The following OSBPL3 variants were observed in gnomAD, a reference collection of about 807,000 sequenced individuals.
OSBPL3 encodes the protein oxysterol-binding protein-related protein 3.
In OSBPL3, 65 loss-of-function variants were observed where a neutral mutation model predicts 120.1. That is an observed-to-expected ratio of 0.54 (90% CI 0.44 to 0.67). The LOEUF is 0.67. OSBPL3 is among the 30% of genes least tolerant of loss of function. The pLI is 0.00. For synonymous variants in OSBPL3, 416 were observed against 402.6 expected (o/e 1.03, Z -0.40); for missense variants, 1,004 against 1,082.1 (o/e 0.93, Z 1.01).
chr7:24,939,230 G>T lies in OSBPL3; in HGVS notation c.-150+40656C>A, dbSNP rs1584681792. ...ACTGTCCATAATCCAAAGGACCAAG[G>T]TCTCTGAGGATGGAGGAGGTGTAAG... On this transcript the variant is annotated intron_variant, in intron 1 of 22. Coordinates refer to ENST00000313367, the MANE Select transcript of OSBPL3 (RefSeq NM_015550.4). This position sits in a 1 kb window ranked among gnomAD's most constrained non-coding sequence, Gnocchi z 4.2. Among the ~76,000 whole-genome samples the T allele has an allele frequency of 6.6e-6, 1 of 152,196 alleles. No individual in the cohort carries two copies. The highest frequency in any genetic ancestry group is 1.9e-4 in the East Asian group (1 of 5,194).
At chr7:24,976,298 T>A (rs1438429416) in intron 1 of OSBPL3, among the ~76,000 whole-genome samples, 1 of 152,222 alleles carries the variant, frequency 6.6e-6, no homozygotes, top group Non-Finnish European at 1.5e-5. Flanking sequence ...TTATTCACTA[T>A]GTAAGCCACC....
chr7:24,963,046 G>A (rs1206605321), intron 1 of OSBPL3, among the ~76,000 whole-genome samples: 1 of 152,128 alleles, frequency 6.6e-6, no homozygotes, highest in Non-Finnish European at 1.5e-5. Context: ...ACTTTTTGAT[G>A]ACTGAATTAT....
At position 24,852,773 on chromosome 7, in the gene OSBPL3, C is replaced by T; in HGVS notation, c.1028-139G>A. On this transcript the variant is annotated intron_variant, in intron 10 of 22. Transcript: ENST00000313367. The surrounding 1 kb of genome is among the most constrained non-coding windows in gnomAD (Gnocchi z 4.1). ...TTGAGTATAGCAAATGTACATTCTACCTTGACTTTTAAAAAACACATTTGC... is the reference window on the plus strand; with the variant it reads ...TTGAGTATAGCAAATGTACATTCTATCTTGACTTTTAAAAAACACATTTGC... 1 of 598,644 alleles carries T rather than the reference C, an allele frequency of 1.7e-6. No homozygotes were observed. Among genetic ancestry groups the T allele is most frequent in the Non-Finnish European group, 2.8e-6 (1 of 362,572 alleles). The allele number at this position is 598,644 out of a possible 1,614,324, so 37.1% of individuals were successfully genotyped here. A position where few individuals can be genotyped will look rare whatever the true frequency, so the allele number is the denominator to read the frequency against.
intron 9 of OSBPL3, 133 bp from the exon 10 acceptor site, chr7:24,861,902 G>GC: frequency 1.9e-6 from 1 of 521,266 alleles, no homozygotes. Flanking sequence ...TTTTTTTTTG[G>GC]GGGGGATGGA....
chr7:24,863,458 G>A lies in OSBPL3; in HGVS notation c.777+38C>T, dbSNP rs760521491. ...GCTGGGAGGAGAAAGGAAAGCAGAAGAGGGCCAGAATGTCAACAGAAGAGG... is the reference window on the plus strand; with the variant it reads ...GCTGGGAGGAGAAAGGAAAGCAGAAAAGGGCCAGAATGTCAACAGAAGAGG... On this transcript the variant is annotated intron_variant, in intron 8 of 22. Transcript: ENST00000313367. The surrounding 1 kb of genome is among the most constrained non-coding windows in gnomAD (Gnocchi z 5.8). 2 of 1,525,406 alleles carry A rather than the reference G, an allele frequency of 1.3e-6. No individual in the cohort carries two copies. Among genetic ancestry groups the A allele is most frequent in the Non-Finnish European group, 9.1e-7 (1 of 1,099,186 alleles). The allele number at this position is 1,525,406 out of a possible 1,614,324, so 94.5% of individuals were successfully genotyped here.
rs765890499 is a variant in OSBPL3, at chr7:24,815,111, A to G, written c.2120T>C (p.Val707Ala). ...QRWIEHYGEIVIKNLHDDSCY... is the reference protein window; with the variant it reads ...QRWIEHYGEIAIKNLHDDSCY... ...GGAATCATCATGCAGGTTCTTGATGACAATCTCTCCATAGTGCTCAATCCA... is the reference window on the plus strand; with the variant it reads ...GGAATCATCATGCAGGTTCTTGATGGCAATCTCTCCATAGTGCTCAATCCA... The change falls in exon 19 of 23, where the codon GTC (valine) becomes GCC (alanine). Residue 707 changes from valine (V) to alanine (A), a missense_variant. Physicochemically the swap from Val to Ala is moderately conservative, Grantham distance 64. Transcript: ENST00000313367. The surrounding 1 kb of genome is among the most constrained non-coding windows in gnomAD (Gnocchi z 5.1). 6.2e-7 allele frequency: 1 copy of G among 1,613,794 alleles called. No homozygotes were observed. The highest frequency in any genetic ancestry group is 2.2e-5 in the East Asian group (1 of 44,884).
rs570310665 is a variant in OSBPL3, at chr7:24,809,930, C to T, written c.2194G>A (p.Ala732Thr). Residue 732 changes from alanine (A) to threonine (T), a missense_variant, in exon 20 of 23, where the codon GCC (alanine) becomes ACC (threonine). Coordinates refer to ENST00000313367, the MANE Select transcript of OSBPL3 (RefSeq NM_015550.4). ...FIKAKYWSTN[A>T]HEIEGTVFDR... Reference sequence around the variant, plus strand: ...AACACTGTGCCTTCAATCTCATGGGCATTAGTGCTCCAGTATTTTGCCTAG... The same window carrying T: ...AACACTGTGCCTTCAATCTCATGGGTATTAGTGCTCCAGTATTTTGCCTAG... The T allele has an allele frequency of 6.2e-7, 1 of 1,614,164 alleles. No homozygotes were observed. The highest frequency in any genetic ancestry group is 1.3e-5 in the African/African-American group (1 of 75,046).
intron 1 of OSBPL3, among the ~76,000 whole-genome samples, chr7:24,942,423 T>C (rs1813210062): frequency 1.3e-5 from 2 of 149,712 alleles, no homozygotes; most frequent in African/African-American, 5.0e-5. Flanking sequence ...CTGCTTCTGT[T>C]GTTTCCTGGA....
At chr7:24,853,566 G>T (rs1799441616) in intron 10 of OSBPL3, among the ~76,000 whole-genome samples, 1 of 152,168 alleles carries the variant, frequency 6.6e-6, no homozygotes, top group Non-Finnish European at 1.5e-5. Flanking sequence ...GGCATTATTG[G>T]GATAACTGAC....
rs61701370 is a variant in OSBPL3, at chr7:24,930,447, GA to G, written c.-149-37827del. Among the ~76,000 whole-genome samples the G allele has an allele frequency of 1.3e-5, 2 of 150,392 alleles. No homozygotes were observed. The highest frequency in any genetic ancestry group is 3.0e-5 in the Non-Finnish European group (2 of 67,490). On this transcript the variant is annotated intron_variant, in intron 1 of 22. Coordinates refer to ENST00000313367, the MANE Select transcript of OSBPL3 (RefSeq NM_015550.4). The surrounding 1 kb of genome is among the most constrained non-coding windows in gnomAD (Gnocchi z 4.4). ...CTAAAGATATCTCAAAATATGCCAAGAAAAAAAAAGTAAACTTTTTATTGCT... is the reference window on the plus strand; with the variant it reads ...CTAAAGATATCTCAAAATATGCCAAGAAAAAAAAGTAAACTTTTTATTGCT...
intron 1 of OSBPL3, among the ~76,000 whole-genome samples, chr7:24,927,422 C>A (rs1481797076): frequency 6.6e-6 from 1 of 152,154 alleles, no homozygotes; most frequent in African/African-American, 2.4e-5. Context: ...TCTAAACTTC[C>A]TCCTAGAGAA....
In OSBPL3 at chr7:24,863,992, C is replaced by CCAT. The variant is rs142243913; in HGVS notation, c.674-396_674-394dup. Reference sequence around the variant, plus strand: ...ACAGAGTAAGAACTAAATAAATCAACCATCATCATCATCATCATCACCAAC... The same window carrying CCAT: ...ACAGAGTAAGAACTAAATAAATCAACCATCATCATCATCATCATCATCACCAAC... On this transcript the variant is annotated intron_variant, in intron 7 of 22. Transcript: ENST00000313367. This position sits in a 1 kb window ranked among gnomAD's most constrained non-coding sequence, Gnocchi z 5.8. Among the ~76,000 whole-genome samples, 51 of 152,040 alleles carry CCAT rather than the reference C, an allele frequency of 3.4e-4. No homozygotes were observed. Among genetic ancestry groups the CCAT allele is most frequent in the Admixed American group, 1.2e-3 (19 of 15,274 alleles).
upstream of OSBPL3, chr7:24,980,239 G>GT (rs2128558357): frequency 6.0e-6 from 1 of 167,108 alleles, no homozygotes; most frequent in East Asian, 1.9e-4. Context: ...GCAGGGGAGG[G>GT]GCCTGAGAGG....
At position 24,799,414 on chromosome 7, in the gene OSBPL3, G is replaced by T. The variant is rs1021400584; in HGVS notation, c.*769C>A. ...TCTCAAGGACTCAGCTCTCACTAAG[G>T]AGAAATTTCCTACTGTCTCTCTGGG... On this transcript the variant is annotated 3_prime_UTR_variant, in exon 23 of 23. Transcript: ENST00000313367. The surrounding 1 kb of genome is among the most constrained non-coding windows in gnomAD (Gnocchi z 5.3). 6.6e-6 allele frequency: 1 copy of T among 152,132 alleles called. No homozygotes were observed. The highest frequency in any genetic ancestry group is 1.5e-5 in the Non-Finnish European group (1 of 68,022). 9.4% of individuals were successfully genotyped at this position (152,132 alleles called of 1,614,324 possible). A position where few individuals can be genotyped will look rare whatever the true frequency, so the allele number is the denominator to read the frequency against.
At chr7:24,812,424 C>CA (rs1189353691) in intron 19 of OSBPL3, among the ~76,000 whole-genome samples, 46 of 152,182 alleles carry the variant, frequency 3.0e-4, no homozygotes, top group South Asian at 2.1e-4. Flanking sequence ...GGCAACCTTG[C>CA]ACTCTATTCT....
At chr7:24,958,832 A>G (rs1461478707) in intron 1 of OSBPL3, among the ~76,000 whole-genome samples, 1 of 152,184 alleles carries the variant, frequency 6.6e-6, no homozygotes, top group Non-Finnish European at 1.5e-5. Context: ...GGGGATAATA[A>G]AATAAAGTGA....
chr7:24,928,932 T>C (rs1350548501), intron 1 of OSBPL3, among the ~76,000 whole-genome samples: 1 of 152,208 alleles, frequency 6.6e-6, no homozygotes, highest in East Asian at 1.9e-4. Flanking sequence ...ATTTGAGTTG[T>C]TTCCAGTTTT....
chr7:24,910,052 T>C lies in OSBPL3; in HGVS notation c.-149-17431A>G, dbSNP rs763113413. On this transcript the variant is annotated intron_variant, in intron 1 of 22. Coordinates refer to ENST00000313367, the MANE Select transcript of OSBPL3 (RefSeq NM_015550.4). ...AACTTCTGACCTCAGGTGATCCACC[T>C]GCCTCGGCCTCCCAAAGTGCTGAGA... Among the ~76,000 whole-genome samples, 66 of 152,062 alleles carry C rather than the reference T, an allele frequency of 4.3e-4. 1 individual carries two copies. Among genetic ancestry groups the C allele is most frequent in the Admixed American group, 4.6e-4 (7 of 15,264 alleles).
At chr7:24,977,639 A>G (rs1430570129) in intron 1 of OSBPL3, among the ~76,000 whole-genome samples, 2 of 152,106 alleles carry the variant, frequency 1.3e-5, no homozygotes, top group Non-Finnish European at 1.5e-5. Context: ...GGCAGATCAC[A>G]AGGTCAGGAG....
Sources: gnomAD v4.1 joint callset for allele counts (sites outside exome capture counted in the v4.1 genomes callset) on GRCh38, gnomAD v4.1.1 for gene constraint, Gnocchi (gnomAD v3.1) non-coding constraint, MANE v1.5 for transcripts, NCBI Gene and HGNC (gene_info 2026-07-23, HGNC 2026-07-21) for gene names.